SULT2A1: variants seen among roughly 807,000 people sequenced by gnomAD.
The protein encoded by SULT2A1 is sulfotransferase family 2A member 1, also known as sulfotransferase 2A1.
In SULT2A1, 43 loss-of-function variants were observed where a neutral mutation model predicts 33.9. The ratio of observed to expected loss-of-function variants is 1.27; its 90% CI spans 1.00 to 1.64. The LOEUF (loss-of-function observed/expected upper bound fraction) is 1.64, where lower values mean the gene tolerates loss of function less well. SULT2A1 is among the 40% of genes most tolerant of loss of function. The pLI is 0.00. For missense variants in SULT2A1, 300 were observed against 335.1 expected (o/e 0.90, Z 0.82); for synonymous variants, 125 against 113.6 (o/e 1.10, Z -0.64).
rs147348830 is a variant in SULT2A1, at chr19:47,881,060, A to C, written c.472+1024T>G. On this transcript the variant is annotated intron_variant, in intron 3 of 5. Coordinates refer to ENST00000222002, the MANE Select transcript of SULT2A1 (RefSeq NM_003167.4). Reference sequence around the variant, plus strand: ...GTTCAAATGTTTTTATTTGAGATGGAGTTTTGATTTTGTTGCCCAGGCTGG... The same window carrying C: ...GTTCAAATGTTTTTATTTGAGATGGCGTTTTGATTTTGTTGCCCAGGCTGG... 4.0e-5 allele frequency among the ~76,000 whole-genome samples: 6 copies of C among 151,820 alleles called. No homozygotes were observed. In the East Asian group the frequency reaches 1.2e-3, roughly 30 times the overall value.
intron 2 of SULT2A1, among the ~76,000 whole-genome samples, chr19:47,883,325 T>C (rs936612123): frequency 3.3e-5 from 5 of 152,040 alleles, no homozygotes; most frequent in Admixed American, 6.6e-5. Context: ...TTTTCTAAGA[T>C]TCTGGGTTAG....
At chr19:47,882,352 C>T (rs899578784) in intron 2 of SULT2A1, 142 bp from the exon 3 acceptor site, 25 of 1,030,130 alleles carry the variant, frequency 2.4e-5, no homozygotes, top group Admixed American at 8.6e-5. Flanking sequence ...ACTTACTGCA[C>T]TCACTAATCA....
chr19:47,883,815 A>G (rs1968626892), intron 1 of SULT2A1, 30 bp from the exon 2 acceptor site: 4 of 1,601,208 alleles, frequency 2.5e-6, no homozygotes, highest in Non-Finnish European at 3.4e-6. Context: ...AATATATAAA[A>G]TGTACCATCT....
intron 4 of SULT2A1, among the ~76,000 whole-genome samples, chr19:47,877,404 A>G (rs1299398925): frequency 6.6e-6 from 1 of 150,484 alleles, no homozygotes; most frequent in Non-Finnish European, 1.5e-5. Context: ...ACGCCTGGCT[A>G]ATTTTTTATA....
chr19:47,874,215 C>T (rs532208856), intron 5 of SULT2A1, among the ~76,000 whole-genome samples: 41 of 152,206 alleles, frequency 2.7e-4, no homozygotes, highest in Admixed American at 1.4e-3. Flanking sequence ...GCTGAGGCCA[C>T]GGGAGAAGTG....
At chr19:47,878,899 CT>C (rs1157457259) in intron 4 of SULT2A1, 136 bp downstream of exon 4, 3 of 696,302 alleles carry the variant, frequency 4.3e-6, no homozygotes, top group Non-Finnish European at 7.9e-6. Flanking sequence ...GGAGTTAATC[CT>C]GCTCTTTGTG....
intron 5 of SULT2A1, 43 bp from the exon 6 acceptor site, chr19:47,871,610 C>T (rs776144203): frequency 1.5e-6 from 2 of 1,313,486 alleles, no homozygotes; most frequent in South Asian, 1.2e-5. Flanking sequence ...CACACATCTC[C>T]TTGACCTGTC....
At chr19:47,881,771 C>T (rs955359309) in intron 3 of SULT2A1, among the ~76,000 whole-genome samples, 2 of 152,014 alleles carry the variant, frequency 1.3e-5, no homozygotes, top group African/African-American at 2.4e-5. Flanking sequence ...TGTGTTGTCC[C>T]GGAAGCCAGT....
At chr19:47,871,921 CTT>C (rs111392005) in intron 5 of SULT2A1, among the ~76,000 whole-genome samples, 12 of 145,656 alleles carry the variant, frequency 8.2e-5, no homozygotes, top group African/African-American at 2.7e-4. Context: ...GCTTTTTTTT[CTT>C]TTTTTTTTTG....
At chr19:47,886,083 A>C (rs756332157) in intron 1 of SULT2A1, 39 bp downstream of exon 1, 1 of 1,605,712 alleles carries the variant, frequency 6.2e-7, no homozygotes, top group Non-Finnish European at 8.5e-7. Flanking sequence ...ACAGGAACAC[A>C]ACCACAGCCT....
At chr19:47,874,889 T>A in intron 4 of SULT2A1, 55 bp from the exon 5 acceptor site, 1 of 1,542,300 alleles carries the variant, frequency 6.5e-7, no homozygotes, top group Middle Eastern at 1.9e-4. Flanking sequence ...AGGCTGGGCG[T>A]GGTGGTTCAC....
At chr19:47,882,019 G>A in intron 3 of SULT2A1, 65 bp downstream of exon 3, 2 of 1,594,580 alleles carry the variant, frequency 1.3e-6, no homozygotes, top group Non-Finnish European at 1.7e-6. Flanking sequence ...AGAGATGTGA[G>A]GCTGGGTGTC....
intron 4 of SULT2A1, among the ~76,000 whole-genome samples, chr19:47,878,505 ATTTTTTT>A (rs34027366): frequency 3.6e-5 from 4 of 111,954 alleles, no homozygotes; most frequent in Admixed American, 1.0e-4. Flanking sequence ...ACCTCTCTAG[ATTTTTTT>A]TTTTTTTTTT....
chr19:47,871,555 T>G lies in SULT2A1; in HGVS notation c.758A>C (p.Asp253Ala). ...GGCCACTGTGAAGTGATTTTTCCAG[T>G]CCCCAGATACACCTGGAAACAAGAA... ...AQLLRKGVSG[D>A]WKNHFTVAQA... The change falls in exon 6 of 6, where the codon GAC (aspartate) becomes GCC (alanine). Residue 253 changes from aspartate (D) to alanine (A), a missense_variant. Asp to Ala is a moderately radical substitution (Grantham distance 126, BLOSUM62 -2). Transcript: ENST00000222002. 1 of 1,613,326 alleles carries G rather than the reference T, an allele frequency of 6.2e-7. No homozygotes were observed. The highest frequency in any genetic ancestry group is 8.5e-7 in the Non-Finnish European group (1 of 1,179,488).
chr19:47,886,278 T>A lies in SULT2A1; in HGVS notation c.-21A>T, dbSNP rs1326609592. 1 of 1,613,374 alleles carries A rather than the reference T, an allele frequency of 6.2e-7. No individual in the cohort carries two copies. The highest frequency in any genetic ancestry group is 8.5e-7 in the Non-Finnish European group (1 of 1,179,588). On this transcript the variant is annotated 5_prime_UTR_variant, in exon 1 of 6. Coordinates refer to ENST00000222002, the MANE Select transcript of SULT2A1 (RefSeq NM_003167.4). ...GACATGATGATGACCTCTTCCTGCG[T>A]GGTGTGAGGGTTTCAACTGTAGCCA...
chr19:47,871,463 A>G lies in SULT2A1; in HGVS notation c.850T>C (p.Trp284Arg), dbSNP rs1442952150. ...CCAGAGTGTTTTGGACGTTATTCCC[A>G]TGGGAACAGCTCTCGAGGAAGATCT... Reference protein sequence around the residue: ...MADLPRELFPWE With the variant: ...MADLPRELFPRE The change falls in exon 6 of 6, where the codon TGG becomes CGG. Residue 284 changes from tryptophan (W) to arginine (R), a missense_variant. Transcript: ENST00000222002. 6.2e-7 allele frequency: 1 copy of G among 1,613,294 alleles called. No individual in the cohort carries two copies. Among genetic ancestry groups the G allele is most frequent in the Admixed American group, 1.7e-5 (1 of 59,986 alleles).
At chr19:47,879,650 A>G (rs1968582481) in intron 3 of SULT2A1, among the ~76,000 whole-genome samples, 1 of 151,986 alleles carries the variant, frequency 6.6e-6, no homozygotes, top group Non-Finnish European at 1.5e-5. Flanking sequence ...GAAGCGGGAA[A>G]CCATCATTCT....
chr19:47,881,696 T>C (rs746265894), intron 3 of SULT2A1, among the ~76,000 whole-genome samples: 25 of 151,930 alleles, frequency 1.6e-4, no homozygotes, highest in African/African-American at 5.1e-4. Context: ...CTGAGACAGA[T>C]AGAAACAGAA....
intron 4 of SULT2A1, among the ~76,000 whole-genome samples, chr19:47,875,483 CA>C (rs1043833462): frequency 2.6e-5 from 4 of 151,364 alleles, no homozygotes; most frequent in African/African-American, 9.7e-5. Flanking sequence ...ACAAAAAATA[CA>C]AAAATTAGCC....
Sources: gnomAD v4.1 joint callset for allele counts (sites outside exome capture counted in the v4.1 genomes callset) on GRCh38, gnomAD v4.1.1 for gene constraint, MANE v1.5 for transcripts, NCBI Gene and HGNC (gene_info 2026-07-23, HGNC 2026-07-21) for gene names.